MCPH1: variants seen among roughly 807,000 people sequenced by gnomAD.
The protein encoded by MCPH1 is microcephalin 1, also known as microcephalin.
In MCPH1, 104 loss-of-function variants were observed where a neutral mutation model predicts 84.5. The ratio of observed to expected loss-of-function variants is 1.23; its 90% CI spans 1.05 to 1.45. MCPH1 has a LOEUF of 1.45. Ranked by LOEUF, MCPH1 falls within the 40% of genes most tolerant of loss-of-function variation. The pLI is 0.00. For synonymous variants in MCPH1, 514 were observed against 366.8 expected, an observed-to-expected ratio of 1.40 and a Z score of -4.58; for missense variants, 1,498 against 1,005.7, an observed-to-expected ratio of 1.49 and a Z score of -6.62.
chr8:6,434,613 A>C (rs1436333789), intron 4 of MCPH1, among the ~76,000 whole-genome samples: 2 of 152,210 alleles, frequency 1.3e-5, no homozygotes, highest in Non-Finnish European at 2.9e-5. Flanking sequence ...AGGTTGCAAG[A>C]CCAGCGCCTG....
chr8:6,627,748 G>A (rs896404433), intron 13 of MCPH1, among the ~76,000 whole-genome samples: 2 of 152,058 alleles, frequency 1.3e-5, no homozygotes, highest in Admixed American at 6.6e-5. Flanking sequence ...AATAATTAGC[G>A]GGCATGGTGG....
rs73661439 is a variant in MCPH1 at position 6,610,697 on chromosome 8, A to G, written c.2215-10757A>G. On this transcript the variant is annotated intron_variant, in intron 12 of 13. Coordinates refer to ENST00000344683, the MANE Select transcript of MCPH1 (RefSeq NM_024596.5). ...AAGCCCACTTCCAAAAGAAGGATGC[A>G]TTTTCAAGTCTGTTATCTTTACTTT... is the stretch of plus-strand genomic sequence containing the variant. 3.3e-5 allele frequency among the ~76,000 whole-genome samples: 5 copies of G among 152,260 alleles called. No individual in the cohort carries two copies. In the South Asian group the frequency reaches 1.0e-3, roughly 32 times the overall value.
intron 12 of MCPH1, among the ~76,000 whole-genome samples, chr8:6,555,540 C>A (rs949487885): frequency 1.3e-5 from 2 of 151,574 alleles, no homozygotes; most frequent in Non-Finnish European, 2.9e-5. Context: ...TGGCTCACTG[C>A]AGCCTGTGCC....
At chr8:6,499,297 G>GATA (rs1446022624) in intron 11 of MCPH1, among the ~76,000 whole-genome samples, 1 of 152,016 alleles carries the variant, frequency 6.6e-6, no homozygotes, top group Non-Finnish European at 1.5e-5. Flanking sequence ...TAATGATGAT[G>GATA]ATAATGATGA....
At chr8:6,463,569 G>T (rs868709705) in intron 9 of MCPH1, among the ~76,000 whole-genome samples, 36 of 152,288 alleles carry the variant, frequency 2.4e-4, no homozygotes, top group African/African-American at 6.7e-4. Context: ...AGATAAAAGG[G>T]TCCCAGTGGT....
rs757247746 is a variant in MCPH1 at position 6,406,682 on chromosome 8, C to T, written c.15C>T (p.Ile5=). 1.6e-5 allele frequency: 26 copies of T among 1,612,022 alleles called. 1 individual carries two copies. The highest frequency in any genetic ancestry group is 1.6e-4 in the Middle Eastern group (1 of 6,070). MAAP[I]LKDVVAYVEV... ...CGCCGTCTGTCATGGCGGCCCCCAT[C>T]CTGAAAGGTGAGGTACTTCCTGCTG... Residue 5 remains isoleucine (I), a synonymous_variant, in exon 1 of 14, where the codon ATC becomes ATT. Coordinates refer to ENST00000344683, the MANE Select transcript of MCPH1 (RefSeq NM_024596.5).
intron 12 of MCPH1, among the ~76,000 whole-genome samples, chr8:6,576,835 G>C (rs2129576795): frequency 6.6e-6 from 1 of 151,702 alleles, no homozygotes; most frequent in East Asian, 1.9e-4. Context: ...AGTGCTGGGA[G>C]AGGCACAGGC....
At chr8:6,509,066 T>TA (rs773106102) in intron 12 of MCPH1, 16 of 1,612,668 alleles carry the variant, frequency 9.9e-6, no homozygotes, top group Non-Finnish European at 1.3e-5. Context: ...GTGAATCCTG[T>TA]AAGCGTGCAA....
At chr8:6,555,317 G>C (rs1824401623) in intron 12 of MCPH1, among the ~76,000 whole-genome samples, 1 of 152,198 alleles carries the variant, frequency 6.6e-6, no homozygotes, top group Non-Finnish European at 1.5e-5. Flanking sequence ...TCGTCGTCCT[G>C]CCTTTCAAGT....
At chr8:6,406,997 C>A (rs1336761898) in intron 1 of MCPH1, 3 of 447,136 alleles carry the variant, frequency 6.7e-6, no homozygotes, top group Non-Finnish European at 1.2e-5. Context: ...TGCCCCAACC[C>A]CCGTGCTGCT....
intron 12 of MCPH1, among the ~76,000 whole-genome samples, chr8:6,557,414 G>A (rs1223353465): frequency 1.3e-5 from 2 of 152,172 alleles, no homozygotes; most frequent in African/African-American, 4.8e-5. Flanking sequence ...ACCCTGTTGC[G>A]ATTGCTGCCT....
intron 9 of MCPH1, among the ~76,000 whole-genome samples, chr8:6,464,955 T>C (rs548803436): frequency 1.3e-5 from 2 of 151,444 alleles, no homozygotes; most frequent in South Asian, 2.1e-4. Context: ...GCCAAGATCA[T>C]GCCACGGCAT....
intron 12 of MCPH1, among the ~76,000 whole-genome samples, chr8:6,546,334 G>A (rs1050841553): frequency 1.3e-5 from 2 of 152,206 alleles, no homozygotes; most frequent in Non-Finnish European, 2.9e-5. Context: ...CGTTTCAACA[G>A]TATCAGCTTG....
chr8:6,622,503 C>A (rs1831563738), intron 13 of MCPH1, among the ~76,000 whole-genome samples: 1 of 152,250 alleles, frequency 6.6e-6, no homozygotes, highest in Non-Finnish European at 1.5e-5. Flanking sequence ...TAGGGCTCCA[C>A]TGTGGGGAAA....
chr8:6,593,719 A>G (rs917262933), intron 12 of MCPH1, among the ~76,000 whole-genome samples: 1 of 152,132 alleles, frequency 6.6e-6, no homozygotes, highest in African/African-American at 2.4e-5. Flanking sequence ...CACCCTTATA[A>G]ATAGAGCTTT....
chr8:6,507,653 T>C (rs1206650592), intron 12 of MCPH1: 1 of 149,668 alleles, frequency 6.7e-6, no homozygotes, highest in Non-Finnish European at 1.5e-5. Context: ...CTTGGGTTAC[T>C]GCAACCTCTG....
chr8:6,526,742 T>G (rs1818419038), intron 12 of MCPH1, among the ~76,000 whole-genome samples: 1 of 152,228 alleles, frequency 6.6e-6, no homozygotes. Context: ...GGATATATTG[T>G]TATAGCCATG....
chr8:6,523,256 C>G (rs1366051084), intron 12 of MCPH1, among the ~76,000 whole-genome samples: 2 of 152,128 alleles, frequency 1.3e-5, no homozygotes, highest in Non-Finnish European at 2.9e-5. Context: ...CCCTGCCTCC[C>G]AAAGTGCTGG....
intron 9 of MCPH1, 35 bp downstream of exon 9, chr8:6,455,287 A>ATG: frequency 7.5e-7 from 1 of 1,334,696 alleles, no homozygotes; most frequent in Non-Finnish European, 1.1e-6. Flanking sequence ...AAACTTTCAA[A>ATG]TGCTGATACA....
Sources: allele counts gnomAD v4.1 joint callset (sites outside exome capture counted in the v4.1 genomes callset), GRCh38; gene constraint gnomAD v4.1.1; transcripts MANE v1.5; gene names NCBI Gene and HGNC (gene_info 2026-07-23, HGNC 2026-07-21).